Variants in MYCBP2 observed in about 807,000 individuals in gnomAD.
MYCBP2 encodes E3 ubiquitin-protein ligase MYCBP2.
In MYCBP2, 120 loss-of-function variants were observed where a neutral mutation model predicts 525.3. The ratio of observed to expected loss-of-function variants is 0.23; its 90% CI spans 0.20 to 0.27. The LOEUF (loss-of-function observed/expected upper bound fraction) is 0.27. Ranked by LOEUF, MYCBP2 falls within the 10% of genes least tolerant of loss-of-function variation. The probability of loss-of-function intolerance (pLI) is 1.00; values close to 1 mark genes in which losing one functional copy is unlikely to be tolerated. For missense variants in MYCBP2, 4,149 were observed against 5,657.1 expected (o/e 0.73, Z 8.55); for synonymous variants, 1,894 against 1,955.8 (o/e 0.97, Z 0.83).
At chr13:77,312,098 G>C (rs910808765) in intron 1 of MYCBP2, among the ~76,000 whole-genome samples, 6 of 152,086 alleles carry the variant, frequency 3.9e-5, no homozygotes, top group African/African-American at 1.4e-4. Flanking sequence ...TGGCATCATT[G>C]AGGTGCTCAA....
chr13:77,089,844 T>C (rs559080207), intron 60 of MYCBP2, among the ~76,000 whole-genome samples: 3 of 152,160 alleles, frequency 2.0e-5, no homozygotes, highest in South Asian at 2.1e-4. Context: ...TTGGCTTAGA[T>C]ACCTAACAAG....
In MYCBP2 at chr13:77,061,675, G is replaced by C; in HGVS notation, c.12890C>G (p.Thr4297Ser). 6 of 1,610,300 alleles carry C rather than the reference G, an allele frequency of 3.7e-6. No individual in the cohort carries two copies. Among genetic ancestry groups the C allele is most frequent in the Non-Finnish European group, 5.1e-6 (6 of 1,179,036 alleles). ...RFLHLHRRTKTHQRQVFKEEE... is the reference protein window; with the variant it reads ...RFLHLHRRTKSHQRQVFKEEE... ...AAAAATCTTCACCTGTCTTTGATGAGTTTTGGTTCTTCGATGAAGGTGAAG... is the reference window on the plus strand; with the variant it reads ...AAAAATCTTCACCTGTCTTTGATGACTTTTGGTTCTTCGATGAAGGTGAAG... Residue 4297 changes from threonine (T) to serine (S), a missense_variant, in exon 75 of 83, where the codon ACT becomes AGT. Transcript: ENST00000544440.
Position 77,188,977 on chromosome 13 carries a change from T to C in MYCBP2, c.4225A>G (p.Arg1409Gly). 1 of 1,605,776 alleles carries C rather than the reference T, an allele frequency of 6.2e-7. No individual in the cohort carries two copies. Among genetic ancestry groups the C allele is most frequent in the Non-Finnish European group, 8.5e-7 (1 of 1,176,934 alleles). ...ACTGAGACAGTTCTTGCAAAAGACC[T>C]CTTTAAAATGTGTACAGGTTCACTG... ...QTSEPVHILK[R>G]SFARTVSVEC... The change falls in exon 30 of 83, where the codon AGG becomes GGG. Residue 1409 changes from arginine to glycine, a missense_variant. Coordinates refer to ENST00000544440, the MANE Select transcript of MYCBP2 (RefSeq NM_015057.5).
chr13:77,288,459 C>T, intron 2 of MYCBP2, 83 bp from the exon 3 acceptor site: 1 of 1,171,980 alleles, frequency 8.5e-7, no homozygotes, highest in Non-Finnish European at 1.2e-6. Context: ...AGATTAGACA[C>T]ACTAACTGAC....
chr13:77,171,672 T>C (rs1216955459), intron 37 of MYCBP2, 38 bp from the exon 38 acceptor site: 2 of 1,600,644 alleles, frequency 1.2e-6, no homozygotes, highest in African/African-American at 1.3e-5. Flanking sequence ...TTTACAATGG[T>C]AAGTAAAACA....
intron 46 of MYCBP2, among the ~76,000 whole-genome samples, chr13:77,153,588 C>A (rs1430685597): frequency 6.6e-6 from 1 of 152,062 alleles, no homozygotes; most frequent in African/African-American, 2.4e-5. Flanking sequence ...GCACCATGAA[C>A]CTTGAAGTAA....
chr13:77,074,001 C>T (rs1460800566), intron 68 of MYCBP2, among the ~76,000 whole-genome samples: 2 of 95,074 alleles, frequency 2.1e-5, no homozygotes, highest in Admixed American at 2.1e-4. Context: ...CCATCCCCAC[C>T]GCCCCCCCCC....
Position 77,097,556 on chromosome 13 carries a change from T to C in MYCBP2, c.9598A>G (p.Lys3200Glu). Residue 3200 changes from lysine (K) to glutamate (E), a missense_variant, in exon 56 of 83, where the codon AAA becomes GAA. Lys to Glu is a moderately conservative substitution (Grantham distance 56). Transcript: ENST00000544440. The part of the protein sequence containing the change: ...CAVLKKKECE[K>E]ENKKSKKEKK... ...TCCTTTTTGGACTTCTTATTCTCTT[T>C]CTCACACTCTTTCTTTTTAAGAACT... 1 of 1,613,124 alleles carries C rather than the reference T, an allele frequency of 6.2e-7. No homozygotes were observed. Among genetic ancestry groups the C allele is most frequent in the Non-Finnish European group, 8.5e-7 (1 of 1,179,712 alleles).
At chr13:77,146,691 C>A (rs1262597176) in intron 47 of MYCBP2, among the ~76,000 whole-genome samples, 1 of 152,106 alleles carries the variant, frequency 6.6e-6, no homozygotes, top group Non-Finnish European at 1.5e-5. Flanking sequence ...AGTTATTTAA[C>A]TAAACTTGGA....
chr13:77,318,150 G>T (rs968153941), intron 1 of MYCBP2, among the ~76,000 whole-genome samples: 1 of 152,136 alleles, frequency 6.6e-6, no homozygotes, highest in Non-Finnish European at 1.5e-5. Flanking sequence ...AATGAATCAT[G>T]GTCCTTTCCA....
intron 17 of MYCBP2, among the ~76,000 whole-genome samples, chr13:77,233,973 A>T (rs2067512466): frequency 6.6e-6 from 1 of 151,926 alleles, no homozygotes; most frequent in Non-Finnish European, 1.5e-5. Flanking sequence ...CTTTCATTAA[A>T]TCATTTCTTC....
At chr13:77,210,728 A>G (rs1418652778) in intron 23 of MYCBP2, among the ~76,000 whole-genome samples, 1 of 152,226 alleles carries the variant, frequency 6.6e-6, no homozygotes, top group East Asian at 1.9e-4. Context: ...AGAACAAAAA[A>G]TAGAATGAAT....
At chr13:77,273,222 T>C (rs960107334) in intron 5 of MYCBP2, among the ~76,000 whole-genome samples, 9 of 152,140 alleles carry the variant, frequency 5.9e-5, no homozygotes, top group Non-Finnish European at 8.8e-5. Context: ...GAGAAGGCTA[T>C]GGTGTTAAGG....
At chr13:77,086,184 T>C (rs1172063763) in intron 62 of MYCBP2, among the ~76,000 whole-genome samples, 4 of 152,162 alleles carry the variant, frequency 2.6e-5, no homozygotes, top group Non-Finnish European at 1.5e-5. Context: ...GAAATGTCTT[T>C]GGTCTTGTTC....
intron 17 of MYCBP2, among the ~76,000 whole-genome samples, chr13:77,239,891 A>T (rs898281094): frequency 1.3e-5 from 2 of 152,230 alleles, no homozygotes; most frequent in Non-Finnish European, 2.9e-5. Context: ...GTATTTTTTT[A>T]AAATGGCTTC....
chr13:77,281,796 T>A (rs896768829), intron 3 of MYCBP2, among the ~76,000 whole-genome samples: 2 of 152,200 alleles, frequency 1.3e-5, no homozygotes, highest in African/African-American at 4.8e-5. Context: ...CTAAGTGTGA[T>A]CATAAAAGTT....
intron 47 of MYCBP2, among the ~76,000 whole-genome samples, chr13:77,148,318 T>C (rs2055937341): frequency 6.6e-6 from 1 of 152,036 alleles, no homozygotes; most frequent in African/African-American, 2.4e-5. Flanking sequence ...AACTCTAGTT[T>C]CTCATTCCCT....
intron 55 of MYCBP2, among the ~76,000 whole-genome samples, chr13:77,107,611 G>A (rs963630433): frequency 1.1e-4 from 16 of 151,918 alleles, no homozygotes; most frequent in African/African-American, 3.9e-4. Flanking sequence ...GGGGACACTC[G>A]CCTCCAGTCC....
chr13:77,326,609 G>C lies in MYCBP2; in HGVS notation c.167C>G (p.Pro56Arg). 1 of 1,579,260 alleles carries C rather than the reference G, an allele frequency of 6.3e-7. No individual in the cohort carries two copies. Among genetic ancestry groups the C allele is most frequent in the Non-Finnish European group, 8.6e-7 (1 of 1,165,212 alleles). ...VAAAGLGLGL[P>R]AADSRGHYQL... The stretch of plus-strand genomic sequence containing the variant: ...GTAGTGACCCCGGGAGTCCGCGGCG[G>C]GTAGCCCCAGCCCCAGCCCCGCAGC... The change falls in exon 1 of 83, where the codon CCC (proline) becomes CGC (arginine). Residue 56 changes from proline (P) to arginine (R), a missense_variant. Around this residue, in one of 21 missense-constraint regions of MYCBP2, gnomAD observed 413 missense variants for 451.2 expected, o/e 0.92. Transcript: ENST00000544440. The surrounding 1 kb of genome is among the most constrained non-coding windows in gnomAD (Gnocchi z 4.2).
Sources: gnomAD v4.1 joint callset for allele counts (sites outside exome capture counted in the v4.1 genomes callset) on GRCh38, gnomAD v4.1.1 for gene constraint, gnomAD v4.1.1 regional missense constraint, Gnocchi (gnomAD v3.1) non-coding constraint, MANE v1.5 for transcripts, NCBI Gene and HGNC (gene_info 2026-07-23, HGNC 2026-07-21) for gene names.